ZCWPW2: variants seen among roughly 807,000 people sequenced by gnomAD.
The protein encoded by ZCWPW2 is zinc finger CW-type PWWP domain protein 2.
ZCWPW2 carries 45 observed loss-of-function variants against 46.6 expected under a neutral mutation model. That is an observed-to-expected ratio of 0.96 (90% CI 0.76 to 1.24). The LOEUF (loss-of-function observed/expected upper bound fraction) is 1.24. ZCWPW2 is among the 50% of genes most tolerant of loss of function. The pLI is 0.00. For missense variants in ZCWPW2, 429 were observed against 403.9 expected, an observed-to-expected ratio of 1.06 and a Z score of -0.53; for synonymous variants, 152 against 137.1, an observed-to-expected ratio of 1.11 and a Z score of -0.76.
chr3:28,391,783 G>A (rs1462580665), intron 2 of ZCWPW2, among the ~76,000 whole-genome samples: 1 of 151,962 alleles, frequency 6.6e-6, no homozygotes, highest in African/African-American at 2.4e-5. Flanking sequence ...AATGCTTTTG[G>A]GTCCCTCACC....
chr3:28,410,710 A>G (rs1157315816), intron 2 of ZCWPW2, among the ~76,000 whole-genome samples: 1 of 152,020 alleles, frequency 6.6e-6, no homozygotes, highest in Non-Finnish European at 1.5e-5. Flanking sequence ...CTGCAAATGA[A>G]TTAACTAAGC....
chr3:28,516,117 G>A (rs1369810606), intron 8 of ZCWPW2, among the ~76,000 whole-genome samples: 1 of 151,924 alleles, frequency 6.6e-6, no homozygotes, highest in Non-Finnish European at 1.5e-5. Context: ...GCATGCACCT[G>A]TAATCCCAGC....
intron 4 of ZCWPW2, among the ~76,000 whole-genome samples, chr3:28,440,912 G>A (rs1277322672): frequency 1.3e-5 from 2 of 152,186 alleles, no homozygotes; most frequent in South Asian, 2.1e-4. Context: ...CTACCAGGTA[G>A]CTGGCTGATC....
intron 2 of ZCWPW2, 46 bp from the exon 3 acceptor site, chr3:28,413,010 A>G (rs1696463839): frequency 2.7e-6 from 4 of 1,477,862 alleles, no homozygotes; most frequent in East Asian, 2.3e-5. Context: ...CTCTCCTTAT[A>G]CTCTTGAATC....
At chr3:28,391,360 C>CA (rs1695481455) in intron 2 of ZCWPW2, among the ~76,000 whole-genome samples, 1 of 93,046 alleles carries the variant, frequency 1.1e-5, no homozygotes. Flanking sequence ...CTGCCACACA[C>CA]ACACACACAC....
intron 1 of ZCWPW2, among the ~76,000 whole-genome samples, chr3:28,371,798 G>T (rs1037127746): frequency 6.6e-6 from 1 of 152,158 alleles, no homozygotes; most frequent in Non-Finnish European, 1.5e-5. Context: ...GTGGGTGGGG[G>T]TTGGTGGCGG....
rs562037623 is a variant in ZCWPW2, at chr3:28,464,073, A to G, written c.493-14741A>G. Among the ~76,000 whole-genome samples, 5 of 152,080 alleles carry G rather than the reference A, an allele frequency of 3.3e-5. No individual in the cohort carries two copies. The South Asian group carries it at 1.0e-3, about 32-fold the overall frequency. ...CTCCTTCCTCCCTATCTTGGGGAAA[A>G]GAAGATGGCCATTTTTCTTTACCTC... is the stretch of plus-strand genomic sequence containing the variant. On this transcript the variant is annotated intron_variant, in intron 4 of 9. Transcript: ENST00000383768.
intron 2 of ZCWPW2, among the ~76,000 whole-genome samples, chr3:28,390,937 C>T (rs1040467583): frequency 2.6e-5 from 4 of 152,068 alleles, no homozygotes; most frequent in African/African-American, 4.8e-5. Flanking sequence ...TTCATATCTG[C>T]TGTCTTTTGT....
At chr3:28,496,076 A>G (rs1476395633) in intron 6 of ZCWPW2, among the ~76,000 whole-genome samples, 2 of 152,060 alleles carry the variant, frequency 1.3e-5, no homozygotes, top group Non-Finnish European at 2.9e-5. Flanking sequence ...ATAGAGAGGC[A>G]AACTGTCATA....
At chr3:28,368,363 A>G (rs1705199069) in intron 1 of ZCWPW2, among the ~76,000 whole-genome samples, 1 of 152,110 alleles carries the variant, frequency 6.6e-6, no homozygotes, top group African/African-American at 2.4e-5. Flanking sequence ...GGTGGTGACA[A>G]AATCTCTCAA....
intron 3 of ZCWPW2, among the ~76,000 whole-genome samples, chr3:28,419,963 T>C (rs1379781523): frequency 7.2e-6 from 1 of 139,704 alleles, no homozygotes; most frequent in African/African-American, 2.7e-5. Flanking sequence ...TTCGGAGATA[T>C]ACCTAACGCT....
chr3:28,397,136 A>AG (rs1405533865), intron 2 of ZCWPW2, among the ~76,000 whole-genome samples: 1 of 152,000 alleles, frequency 6.6e-6, no homozygotes, highest in Admixed American at 6.6e-5. Flanking sequence ...CTCAAAAAAA[A>AG]AAAAAATCTG....
intron 4 of ZCWPW2, among the ~76,000 whole-genome samples, chr3:28,445,064 A>G (rs879937672): frequency 2.0e-4 from 30 of 151,944 alleles, no homozygotes; most frequent in Admixed American, 1.3e-3. Context: ...AAAGAGCTCC[A>G]TCCTTAATAT....
chr3:28,507,780 C>T (rs75193762), intron 6 of ZCWPW2, among the ~76,000 whole-genome samples: 4,447 of 151,638 alleles, frequency 0.029, 193 homozygotes, highest in African/African-American at 0.096. Flanking sequence ...TATATTAGGC[C>T]TATTATTTTT....
At chr3:28,517,362 G>C (rs1325079543) in intron 8 of ZCWPW2, among the ~76,000 whole-genome samples, 1 of 152,206 alleles carries the variant, frequency 6.6e-6, no homozygotes, top group East Asian at 1.9e-4. Context: ...AGGAAGCATG[G>C]TGCTTGGCTC....
At chr3:28,414,505 G>A (rs1031628546) in intron 3 of ZCWPW2, among the ~76,000 whole-genome samples, 4 of 151,134 alleles carry the variant, frequency 2.6e-5, no homozygotes, top group African/African-American at 4.9e-5. Context: ...TGTGCACAAC[G>A]TGCAGGTTTG....
chr3:28,517,070 A>G (rs1443375494), intron 8 of ZCWPW2, among the ~76,000 whole-genome samples: 1 of 152,144 alleles, frequency 6.6e-6, no homozygotes, highest in Non-Finnish European at 1.5e-5. Context: ...AAAGTTTTAG[A>G]CTCTAACACC....
intron 4 of ZCWPW2, among the ~76,000 whole-genome samples, chr3:28,473,345 C>T (rs774589727): frequency 9.9e-5 from 15 of 152,054 alleles, no homozygotes; most frequent in Non-Finnish European, 2.1e-4. Flanking sequence ...TGTGATGGCA[C>T]ATGCCTGTAA....
chr3:28,497,657 G>C (rs575167785), intron 6 of ZCWPW2, among the ~76,000 whole-genome samples: 2 of 152,236 alleles, frequency 1.3e-5, no homozygotes, highest in South Asian at 4.1e-4. Flanking sequence ...GCGTTGGCCT[G>C]TGCTGAGTTG....
Sources: allele counts gnomAD v4.1 joint callset (sites outside exome capture counted in the v4.1 genomes callset), GRCh38; gene constraint gnomAD v4.1.1; transcripts MANE v1.5; gene names NCBI Gene and HGNC (gene_info 2026-07-23, HGNC 2026-07-21).